COL24A1: variants seen among roughly 807,000 people sequenced by gnomAD.
COL24A1 encodes collagen type XXIV alpha 1 chain, also known as collagen alpha-1(XXIV) chain.
A neutral mutation model predicts 253.9 loss-of-function variants in COL24A1; 224 were observed. The ratio of observed to expected loss-of-function variants is 0.88; its 90% CI spans 0.79 to 0.99. COL24A1 has a LOEUF of 0.99. Ranked by LOEUF, COL24A1 falls within the 50% of genes least tolerant of loss-of-function variation. The probability of loss-of-function intolerance (pLI) is 0.00; values close to 1 mark genes in which losing one functional copy is unlikely to be tolerated. For synonymous variants in COL24A1, 685 were observed against 673.7 expected (o/e 1.02, Z -0.26); for missense variants, 2,131 against 2,068.5 (o/e 1.03, Z -0.59).
At chr1:85,891,048 CT>C (rs1388432125) in intron 31 of COL24A1, among the ~76,000 whole-genome samples, 1 of 151,140 alleles carries the variant, frequency 6.6e-6, no homozygotes, top group Non-Finnish European at 1.5e-5. Context: ...TAAATTGCAT[CT>C]TTTTTTCTTT....
chr1:86,022,294 C>A lies in COL24A1; in HGVS notation c.2203-1G>T. ...GTGGTCCTGGTAAACCAACAGCACC[C>A]TAAGAGAAGAGAATAACAGAAGAGA... On this transcript the variant is annotated splice_acceptor_variant, in intron 17 of 59. Transcript: ENST00000370571. LOFTEE classifies it high-confidence loss of function. 6.4e-7 allele frequency: 1 copy of A among 1,567,532 alleles called. No individual in the cohort carries two copies.
rs780683428 is a variant in COL24A1 at position 86,057,922 on chromosome 1, C to T, written c.1851+9G>A. The T allele has an allele frequency of 3.7e-6, 6 of 1,611,454 alleles. No homozygotes were observed. In the Admixed American group the frequency reaches 1.0e-4, roughly 27 times the overall value. On this transcript the variant is annotated intron_variant, in intron 10 of 59. Coordinates refer to ENST00000370571, the MANE Select transcript of COL24A1 (RefSeq NM_152890.7). Reference sequence around the variant, plus strand: ...CATGCTTAACAGAATGATGGAAATGCCTACTTACTTGTGCACCTTTAGGAC... The same window carrying T: ...CATGCTTAACAGAATGATGGAAATGTCTACTTACTTGTGCACCTTTAGGAC...
chr1:85,755,538 A>AG (rs1666146940), intron 55 of COL24A1, among the ~76,000 whole-genome samples: 1 of 119,752 alleles, frequency 8.4e-6, no homozygotes, highest in Non-Finnish European at 1.9e-5. Flanking sequence ...GACATAAAGA[A>AG]TGAAATATAA....
At chr1:85,852,063 C>T (rs542499595) in intron 37 of COL24A1, among the ~76,000 whole-genome samples, 1 of 152,146 alleles carries the variant, frequency 6.6e-6, no homozygotes, top group East Asian at 1.9e-4. Context: ...AACAGTTAAG[C>T]CTTTAATCAA....
rs1264274607 is a variant in COL24A1, at chr1:86,009,338, TTAA to T, written c.2310+7810_2310+7812del. On this transcript the variant is annotated intron_variant, in intron 19 of 59. Transcript: ENST00000370571. ...GAAATTTAGTACAATCATGTGTCAC[TTAA>T]TGATGGGTATTTGTTCTGAGAAACA... Among the ~76,000 whole-genome samples the T allele has an allele frequency of 3.9e-5, 6 of 152,310 alleles. No homozygotes were observed. The East Asian group carries it at 1.2e-3, about 29-fold the overall frequency.
chr1:85,876,981 A>T, intron 33 of COL24A1, 141 bp downstream of exon 33: 1 of 531,414 alleles, frequency 1.9e-6, no homozygotes, highest in Non-Finnish European at 3.2e-6. Flanking sequence ...CTCTGCTTTT[A>T]ATGGAATTTT....
chr1:85,849,380 T>C lies in COL24A1; in HGVS notation c.3327A>G (p.Pro1109=), dbSNP rs370749164. The C allele has an allele frequency of 1.2e-5, 19 of 1,612,694 alleles. No homozygotes were observed. In the African/African-American group the frequency reaches 2.4e-4, roughly 20 times the overall value. Residue 1109 remains proline, a synonymous_variant, in exon 38 of 60, where the codon CCA becomes CCG. Coordinates refer to ENST00000370571, the MANE Select transcript of COL24A1 (RefSeq NM_152890.7). ...TTTTTCCTGGACGACCTCTTTGCCC[T>C]GGAATTCCCACAATTCCTTCAGGTC... ...LPGPEGIVGI[P]GQRGRPGKKG...
chr1:85,976,836 C>A (rs1467224833), intron 20 of COL24A1, among the ~76,000 whole-genome samples: 1 of 152,182 alleles, frequency 6.6e-6, no homozygotes, highest in Non-Finnish European at 1.5e-5. Context: ...AAGGAGAAAA[C>A]AACAGCTAAT....
chr1:86,023,093 C>T, intron 14 of COL24A1, 86 bp from the exon 15 acceptor site: 1 of 1,206,672 alleles, frequency 8.3e-7, no homozygotes, highest in Non-Finnish European at 1.2e-6. Flanking sequence ...ATTAATGAAC[C>T]CAAAACAGCC....
chr1:85,898,729 C>T (rs1034074563), intron 28 of COL24A1, among the ~76,000 whole-genome samples: 1 of 152,232 alleles, frequency 6.6e-6, no homozygotes. Context: ...AGACAAATCC[C>T]TGAATTCATA....
intron 57 of COL24A1, among the ~76,000 whole-genome samples, chr1:85,738,586 T>G (rs1303583068): frequency 3.3e-5 from 5 of 152,154 alleles, no homozygotes; most frequent in Admixed American, 2.6e-4. Flanking sequence ...TTATTCCAAA[T>G]ACAAAGGACA....
At chr1:86,121,375 A>G (rs1647321570) in intron 3 of COL24A1, among the ~76,000 whole-genome samples, 1 of 152,154 alleles carries the variant, frequency 6.6e-6, no homozygotes, top group Non-Finnish European at 1.5e-5. Context: ...TTATTAGCAC[A>G]TAATAAAGAG....
chr1:85,998,751 A>T (rs1695113345), intron 19 of COL24A1, among the ~76,000 whole-genome samples: 1 of 152,178 alleles, frequency 6.6e-6, no homozygotes, highest in Non-Finnish European at 1.5e-5. Flanking sequence ...ATCTTTTCTG[A>T]CTGCCCATTA....
At position 85,987,665 on chromosome 1, in the gene COL24A1, T is replaced by C. The variant is rs1435716241; in HGVS notation, c.2311-11A>G. The C allele has an allele frequency of 1.9e-5, 31 of 1,604,090 alleles. No homozygotes were observed. The highest frequency in any genetic ancestry group is 2.7e-5 in the African/African-American group (2 of 74,394). On this transcript the variant is annotated splice_polypyrimidine_tract_variant and intron_variant, in intron 19 of 59. Transcript: ENST00000370571. ...ATCTCCTGGAAAACCCTAGGGAATA[T>C]AAAAATGTAGCGTTTATTCCATAGA...
At chr1:86,014,559 T>G (rs1013913721) in intron 19 of COL24A1, among the ~76,000 whole-genome samples, 8 of 152,006 alleles carry the variant, frequency 5.3e-5, no homozygotes, top group Non-Finnish European at 1.2e-4. Flanking sequence ...CCCTAACAGA[T>G]TCAAAGCCAA....
intron 19 of COL24A1, among the ~76,000 whole-genome samples, chr1:85,989,548 TC>T (rs1558916305): frequency 6.6e-6 from 1 of 151,914 alleles, no homozygotes; most frequent in African/African-American, 2.4e-5. Context: ...TCATTTTCAC[TC>T]CGTAGCCAGA....
chr1:85,868,758 T>C, intron 36 of COL24A1, 24 bp downstream of exon 36: 2 of 1,471,926 alleles, frequency 1.4e-6, no homozygotes, highest in East Asian at 2.4e-5. Flanking sequence ...CTATTTTATA[T>C]ATAATCTTAA....
At chr1:85,996,868 T>G in intron 19 of COL24A1, among the ~76,000 whole-genome samples, 1 of 151,878 alleles carries the variant, frequency 6.6e-6, no homozygotes. Context: ...GTTAGGTGAT[T>G]AAAAAAGATT....
At chr1:85,795,230 G>A (rs1670684553) in intron 47 of COL24A1, among the ~76,000 whole-genome samples, 1 of 152,082 alleles carries the variant, frequency 6.6e-6, no homozygotes, top group African/African-American at 2.4e-5. Flanking sequence ...AGAACTGAAT[G>A]GAAAGATCTG....
Sources: gnomAD v4.1 joint callset for allele counts (sites outside exome capture counted in the v4.1 genomes callset) on GRCh38, gnomAD v4.1.1 for gene constraint, MANE v1.5 for transcripts, NCBI Gene and HGNC (gene_info 2026-07-23, HGNC 2026-07-21) for gene names.